LRRC7: variants seen among roughly 807,000 people sequenced by gnomAD.
LRRC7 encodes the protein leucine rich repeat containing 7.
A neutral mutation model predicts 175.7 loss-of-function variants in LRRC7; 23 were observed. That is an observed-to-expected ratio of 0.13 (90% CI 0.09 to 0.19). LRRC7 has a LOEUF of 0.19. Ranked by LOEUF, LRRC7 falls within the 10% of genes least tolerant of loss-of-function variation. The pLI is 1.00. For missense variants in LRRC7, 1,354 were observed against 1,904.7 expected (o/e 0.71, Z 5.38); for synonymous variants, 685 against 680.9 (o/e 1.01, Z -0.09).
At chr1:69,653,764 G>A (rs982583219) in intron 1 of LRRC7, among the ~76,000 whole-genome samples, 1 of 151,982 alleles carries the variant, frequency 6.6e-6, no homozygotes, top group Non-Finnish European at 1.5e-5. Context: ...AGCGTCCACA[G>A]TATAATATTA....
intron 8 of LRRC7, among the ~76,000 whole-genome samples, chr1:69,944,114 T>C (rs1481321687): frequency 6.6e-6 from 1 of 151,982 alleles, no homozygotes; most frequent in Non-Finnish European, 1.5e-5. Flanking sequence ...CTTTTGCCCA[T>C]TGAACTGCAA....
chr1:69,625,486 G>C (rs1341776), intron 1 of LRRC7, among the ~76,000 whole-genome samples: 147,475 of 149,906 alleles, frequency 0.98, 72,595 homozygotes, highest in Middle Eastern at 1. Flanking sequence ...ATTCTATTAA[G>C]TTTACTATTT....
chr1:70,017,565 T>G (rs1464386899), intron 14 of LRRC7, among the ~76,000 whole-genome samples: 1 of 152,152 alleles, frequency 6.6e-6, no homozygotes, highest in Non-Finnish European at 1.5e-5. Context: ...ATGAAAACAA[T>G]TCATCTTGAA....
chr1:69,624,899 A>G lies in LRRC7; in HGVS notation c.3-53482A>G. ...CATTACCATATATCTTTATTACTGT[A>G]ACCTTATATTAATTTATACCATTTG... On this transcript the variant is annotated intron_variant, in intron 1 of 26. Coordinates refer to ENST00000651989, the MANE Select transcript of LRRC7 (RefSeq NM_001370785.2). 1.3e-5 allele frequency among the ~76,000 whole-genome samples: 2 copies of G among 152,098 alleles called. 1 individual carries two copies. The highest frequency in any genetic ancestry group is 3.8e-4 in the East Asian group (2 of 5,200).
rs148949554 is a variant in LRRC7 at position 69,911,362 on chromosome 1, T to C, written c.648-20145T>C. ...TTGGCTCCACCCTGTTGTAAGTTCT[T>C]TGAGAAATTGCCAAACTGCTTTCCA... On this transcript the variant is annotated intron_variant, in intron 7 of 26. Coordinates refer to ENST00000651989, the MANE Select transcript of LRRC7 (RefSeq NM_001370785.2). 2.8e-4 allele frequency among the ~76,000 whole-genome samples: 43 copies of C among 152,304 alleles called. No individual in the cohort carries two copies. In the East Asian group the frequency reaches 7.3e-3, roughly 26 times the overall value.
intron 7 of LRRC7, among the ~76,000 whole-genome samples, chr1:69,868,740 GA>G (rs1685194658): frequency 6.6e-6 from 1 of 152,018 alleles, no homozygotes; most frequent in African/African-American, 2.4e-5. Flanking sequence ...CTAAACAATA[GA>G]AATTTATCTT....
Position 69,764,778 on chromosome 1 carries a change from T to TAGACAGAC in LRRC7, c.303+4393_303+4400dup, listed in dbSNP as rs879556337. Among the ~76,000 whole-genome samples, 1,226 of 144,440 alleles carry TAGACAGAC rather than the reference T, an allele frequency of 8.5e-3. 9 individuals are homozygous for TAGACAGAC. Among genetic ancestry groups the TAGACAGAC allele is most frequent in the Middle Eastern group, 0.028 (8 of 288 alleles). The allele number at this position is 144,440 out of a possible 152,430, so 94.8% of individuals were successfully genotyped here. A position where few individuals can be genotyped will look rare whatever the true frequency, so the allele number is the denominator to read the frequency against. On this transcript the variant is annotated intron_variant, in intron 3 of 26. Transcript: ENST00000651989. ...ATAGATAGATAGATAGATAGATAGA[T>TAGACAGAC]AGACAGACAGACAGATAGATAACTG...
chr1:69,957,398 T>G (rs1650610224), intron 8 of LRRC7, among the ~76,000 whole-genome samples: 1 of 151,890 alleles, frequency 6.6e-6, no homozygotes, highest in South Asian at 2.1e-4. Context: ...ACTATCTACC[T>G]TAACGTTTAC....
chr1:69,776,059 A>G (rs557062832), intron 3 of LRRC7, among the ~76,000 whole-genome samples: 1 of 152,274 alleles, frequency 6.6e-6, no homozygotes, highest in Admixed American at 6.5e-5. Flanking sequence ...GGGTAGGGAA[A>G]ACCACTAAAG....
chr1:69,820,117 G>C (rs1441246561), intron 4 of LRRC7, among the ~76,000 whole-genome samples: 3 of 149,826 alleles, frequency 2.0e-5, no homozygotes, highest in African/African-American at 7.4e-5. Flanking sequence ...CTTTCTTTTT[G>C]CTCTCTTCCT....
chr1:70,009,193 T>A (rs908267296), intron 11 of LRRC7, among the ~76,000 whole-genome samples: 51 of 152,260 alleles, frequency 3.3e-4, no homozygotes, highest in African/African-American at 1.2e-3. Context: ...CATAAATCTG[T>A]AATTTTTATT....
At chr1:69,791,907 A>G (rs1675166977) in intron 3 of LRRC7, 136 bp from the exon 4 acceptor site, 1 of 578,168 alleles carries the variant, frequency 1.7e-6, no homozygotes, top group Admixed American at 3.1e-5. Flanking sequence ...GAAGATGAGT[A>G]TGGAGGGAAG....
intron 9 of LRRC7, among the ~76,000 whole-genome samples, chr1:69,982,228 G>A (rs1382088412): frequency 1.3e-5 from 2 of 152,180 alleles, no homozygotes; most frequent in Non-Finnish European, 2.9e-5. Flanking sequence ...GAGAGTAGAT[G>A]TTTCATATGT....
intron 1 of LRRC7, among the ~76,000 whole-genome samples, chr1:69,648,805 A>C (rs1479735799): frequency 2.6e-5 from 4 of 152,144 alleles, no homozygotes; most frequent in Non-Finnish European, 4.4e-5. Context: ...TGTGACAAAT[A>C]TTTGAAGTGG....
At chr1:69,875,394 T>G (rs980824888) in intron 7 of LRRC7, among the ~76,000 whole-genome samples, 45 of 152,204 alleles carry the variant, frequency 3.0e-4, no homozygotes, top group African/African-American at 1.1e-3. Flanking sequence ...AAACTTTTCT[T>G]AATGAAAAGA....
At chr1:69,588,424 G>A (rs972349091) in intron 1 of LRRC7, among the ~76,000 whole-genome samples, 1 of 151,980 alleles carries the variant, frequency 6.6e-6, no homozygotes, top group Non-Finnish European at 1.5e-5. Context: ...ACTTTATCAG[G>A]TATAATGTGA....
At chr1:69,713,327 A>C (rs1475655581) in intron 2 of LRRC7, among the ~76,000 whole-genome samples, 1 of 151,738 alleles carries the variant, frequency 6.6e-6, no homozygotes, top group East Asian at 1.9e-4. Context: ...CTCTCAAAAA[A>C]AAATGTATAT....
rs1386110831 is a variant in LRRC7 at position 70,137,463 on chromosome 1, G to C, written c.*15576G>C. Among the ~76,000 whole-genome samples the C allele has an allele frequency of 6.6e-6, 1 of 152,158 alleles. No homozygotes were observed. The highest frequency in any genetic ancestry group is 1.5e-5 in the Non-Finnish European group (1 of 68,024). Reference sequence around the variant, plus strand: ...TTTTAGACACCTAAGAAAAATGTACGTACATCTGGTGGACTTGCATATCTT... The same window carrying C: ...TTTTAGACACCTAAGAAAAATGTACCTACATCTGGTGGACTTGCATATCTT... On this transcript the variant is annotated 3_prime_UTR_variant, in exon 27 of 27. Coordinates refer to ENST00000651989, the MANE Select transcript of LRRC7 (RefSeq NM_001370785.2).
chr1:69,849,740 A>G (rs1464442274), intron 7 of LRRC7, among the ~76,000 whole-genome samples: 1 of 151,936 alleles, frequency 6.6e-6, no homozygotes, highest in African/African-American at 2.4e-5. Context: ...TCCTCCTACC[A>G]CTGCCTACTT....
Sources: gnomAD v4.1 joint callset for allele counts (sites outside exome capture counted in the v4.1 genomes callset) on GRCh38, gnomAD v4.1.1 for gene constraint, MANE v1.5 for transcripts, NCBI Gene and HGNC (gene_info 2026-07-23, HGNC 2026-07-21) for gene names.